The following P2RX5 variants were observed in gnomAD, a reference collection of about 807,000 sequenced individuals.
P2RX5 encodes the protein purinergic receptor P2X 5, also known as P2X purinoceptor 5.
A neutral mutation model predicts 54.1 loss-of-function variants in P2RX5; 46 were observed. The observed-to-expected ratio is 0.85, with a 90% CI of 0.67 to 1.09. P2RX5 has a LOEUF of 1.09. P2RX5 is among the 50% of genes least tolerant of loss of function. The probability of loss-of-function intolerance (pLI) is 0.00; values close to 1 mark genes in which losing one functional copy is unlikely to be tolerated. For missense variants in P2RX5, 566 were observed against 549.8 expected (o/e 1.03, Z -0.29); for synonymous variants, 226 against 226.4 (o/e 1.00, Z 0.02).
At chr17:3,684,863 G>T (rs2567866) in intron 9 of P2RX5, among the ~76,000 whole-genome samples, 21,970 of 77,626 alleles carry the variant, frequency 0.28, 2,020 homozygotes, top group Admixed American at 0.38. Context: ...TTTTTTTTTG[G>T]AGATGGAGTT....
chr17:3,719,676 GAC>G, the P2RX5 span, among the ~76,000 whole-genome samples: 1 of 152,230 alleles, frequency 6.6e-6, no homozygotes, highest in South Asian at 2.1e-4. Context: ...AGCACACTAA[GAC>G]AGTTACTGGA....
chr17:3,707,619 G>A, the P2RX5 span, among the ~76,000 whole-genome samples: 3 of 152,220 alleles, frequency 2.0e-5, no homozygotes, highest in Non-Finnish European at 2.9e-5. Flanking sequence ...GCTCGAAAAC[G>A]TCTGGCAGTT....
chr17:3,694,969 G>A (rs1217681313), intron 1 of P2RX5, among the ~76,000 whole-genome samples: 1 of 152,202 alleles, frequency 6.6e-6, no homozygotes, highest in East Asian at 1.9e-4. Context: ...CAGCGCCTAC[G>A]AGGCCGCTCA....
intron 9 of P2RX5, among the ~76,000 whole-genome samples, chr17:3,684,081 T>C (rs1473097418): frequency 1.3e-5 from 2 of 152,222 alleles, no homozygotes; most frequent in Admixed American, 1.3e-4. Context: ...CACGGGGCAG[T>C]GTAGACTCAG....
chr17:3,697,090 G>T (rs563629678), upstream of P2RX5, among the ~76,000 whole-genome samples: 1 of 150,904 alleles, frequency 6.6e-6, no homozygotes, highest in African/African-American at 2.4e-5. Context: ...GGCAGGTCCC[G>T]AGTGCCGGCA....
chr17:3,676,395 T>G (rs1203684074), intron 11 of P2RX5: 1 of 985,254 alleles, frequency 1.0e-6, no homozygotes, highest in Non-Finnish European at 1.2e-6. Flanking sequence ...TTAGTAACAC[T>G]GGCTGCCTCT....
intron 9 of P2RX5, chr17:3,685,529 C>T (rs1228556877): frequency 1.9e-5 from 3 of 155,988 alleles, no homozygotes; most frequent in South Asian, 1.8e-4. Context: ...CCCATGAGCG[C>T]CACCCCAGAG....
chr17:3,689,728 C>G lies in P2RX5; in HGVS notation c.615-98G>C, dbSNP rs1254084892. 5 of 1,472,290 alleles carry G rather than the reference C, an allele frequency of 3.4e-6. No individual in the cohort carries two copies. The East Asian group carries it at 6.8e-5, about 20-fold the overall frequency. 91.2% of individuals were successfully genotyped at this position (1,472,290 alleles called of 1,614,324 possible). A position where few individuals can be genotyped will look rare whatever the true frequency, so the allele number is the denominator to read the frequency against. On this transcript the variant is annotated intron_variant, in intron 6 of 11. Coordinates refer to ENST00000225328, the MANE Select transcript of P2RX5 (RefSeq NM_002561.4). ...GGTCCCTCACCAACCTGAGTGCTGA[C>G]AGCTCCCCGCAGCAACACCCCACTT... is the stretch of plus-strand genomic sequence containing the variant.
At chr17:3,699,453 A>G (rs1023205522), upstream of P2RX5, among the ~76,000 whole-genome samples, 1 of 152,086 alleles carries the variant, frequency 6.6e-6, no homozygotes, top group African/African-American at 2.4e-5. Context: ...CAGGAGGCTG[A>G]GGTAGGAGGA....
At chr17:3,702,757 C>T in the P2RX5 span, among the ~76,000 whole-genome samples, 94 of 152,264 alleles carry the variant, frequency 6.2e-4, no homozygotes, top group African/African-American at 2.1e-3. Context: ...TTGAAGTCAG[C>T]GAGACCAAGA....
chr17:3,682,125 G>A (rs2050301303), intron 9 of P2RX5, 147 bp from the exon 10 acceptor site: 1 of 690,216 alleles, frequency 1.4e-6, no homozygotes, highest in Non-Finnish European at 2.6e-6. Context: ...GCTCAGCAAG[G>A]GGCACCCTTG....
the P2RX5 span, chr17:3,721,533 C>CT: frequency 6.6e-6 from 1 of 152,362 alleles, no homozygotes; most frequent in Non-Finnish European, 1.5e-5. Flanking sequence ...CCGCCTCAGC[C>CT]TCCCAAAGTG....
chr17:3,720,005 C>A, the P2RX5 span, among the ~76,000 whole-genome samples: 1 of 152,172 alleles, frequency 6.6e-6, no homozygotes, highest in Non-Finnish European at 1.5e-5. Flanking sequence ...GGATTACAGG[C>A]GTGAGCCACC....
chr17:3,711,469 G>C, the P2RX5 span, among the ~76,000 whole-genome samples: 1 of 133,282 alleles, frequency 7.5e-6, no homozygotes, highest in Non-Finnish European at 1.5e-5. Context: ...TGCAAGCTCT[G>C]CCTCCCGGGT....
At chr17:3,675,848 G>A in intron 11 of P2RX5, 1 of 985,202 alleles carries the variant, frequency 1.0e-6, no homozygotes, top group Non-Finnish European at 1.2e-6. Flanking sequence ...ACTGCGCCCA[G>A]CCTGGATCTT....
intron 6 of P2RX5, 93 bp from the exon 7 acceptor site, chr17:3,689,723 G>T (rs1248471597): frequency 3.3e-6 from 5 of 1,524,282 alleles, no homozygotes; most frequent in Non-Finnish European, 3.6e-6. Flanking sequence ...CAACCTGAGT[G>T]CTGACAGCTC....
chr17:3,678,268 C>G (rs910205136), intron 11 of P2RX5: 25 of 185,330 alleles, frequency 1.3e-4, no homozygotes, highest in Middle Eastern at 2.5e-3. Context: ...GAGAGCACAG[C>G]CTGCCAGGGT....
rs2050034731 is a variant in P2RX5 at position 3,673,728 on chromosome 17, T to A, written c.*140A>T. 1 of 1,600,276 alleles carries A rather than the reference T, an allele frequency of 6.2e-7. No individual in the cohort carries two copies. Among genetic ancestry groups the A allele is most frequent in the Non-Finnish European group, 8.5e-7 (1 of 1,174,008 alleles). On this transcript the variant is annotated 3_prime_UTR_variant, in exon 12 of 12. Transcript: ENST00000225328. The stretch of plus-strand genomic sequence containing the variant: ...GGAGGTCACTTTGCTCTGTGATGGC[T>A]GGTCCCTGTGATGTGGCATTGATAG...
chr17:3,689,982 A>AC (rs2050564469), intron 6 of P2RX5, 88 bp downstream of exon 6: 1 of 1,153,886 alleles, frequency 8.7e-7, no homozygotes, highest in Non-Finnish European at 1.3e-6. Flanking sequence ...GCGCACACAC[A>AC]CCCCCAGGCA....
Sources: allele counts gnomAD v4.1 joint callset (sites outside exome capture counted in the v4.1 genomes callset), GRCh38; gene constraint gnomAD v4.1.1; transcripts MANE v1.5; gene names NCBI Gene and HGNC (gene_info 2026-07-23, HGNC 2026-07-21).